The following ENDOD1 variants were observed in gnomAD, a reference collection of about 807,000 sequenced individuals.
The protein encoded by ENDOD1 is endonuclease domain-containing 1 protein.
A neutral mutation model predicts 6.5 loss-of-function variants in ENDOD1; 9 were observed. The observed-to-expected ratio is 1.39, with a 90% CI of 0.84 to 2.43. The LOEUF (loss-of-function observed/expected upper bound fraction) is 2.43. Ranked by LOEUF, ENDOD1 falls within the 30% of genes most tolerant of loss-of-function variation. The pLI, the probability that ENDOD1 is intolerant of heterozygous loss-of-function variation, is 0.00. For missense variants in ENDOD1, 648 were observed against 635.5 expected (o/e 1.02, Z -0.21); for synonymous variants, 255 against 255.2 (o/e 1.00, Z 0.01).
Position 95,114,060 on chromosome 11 carries a change from G to A in ENDOD1, c.301-14317G>A, listed in dbSNP as rs373980675. On this transcript the variant is annotated intron_variant, in intron 1 of 1. Transcript: ENST00000278505. ...TTTTTCATATACCTGTTTGCTATTC[G>A]TATGTCTTCTTTTGAGAAATGTCTA... 7.2e-5 allele frequency among the ~76,000 whole-genome samples: 11 copies of A among 152,246 alleles called. No homozygotes were observed. In the East Asian group the frequency reaches 7.7e-4, roughly 11 times the overall value.
intron 1 of ENDOD1, among the ~76,000 whole-genome samples, chr11:95,095,849 T>G (rs1404330993): frequency 6.6e-6 from 1 of 152,216 alleles, no homozygotes; most frequent in African/African-American, 2.4e-5. Flanking sequence ...AGCTCTTAAC[T>G]CTCTTTATTC....
intron 1 of ENDOD1, among the ~76,000 whole-genome samples, chr11:95,118,008 A>G (rs1368632228): frequency 1.3e-5 from 2 of 152,202 alleles, no homozygotes; most frequent in Non-Finnish European, 2.9e-5. Flanking sequence ...TGCTGTTTGC[A>G]TAAGCAAACA....
intron 1 of ENDOD1, among the ~76,000 whole-genome samples, chr11:95,119,605 G>A (rs563517476): frequency 6.6e-6 from 1 of 152,324 alleles, no homozygotes; most frequent in East Asian, 1.9e-4. Context: ...GACTGTGGTG[G>A]GTCAGACCTG....
rs930603938 is a variant in ENDOD1 at position 95,129,091 on chromosome 11, T to G, written c.1015T>G (p.Phe339Val). The G allele has an allele frequency of 5.6e-6, 9 of 1,614,062 alleles. No individual in the cohort carries two copies. The highest frequency in any genetic ancestry group is 7.6e-6 in the Non-Finnish European group (9 of 1,180,022). Residue 339 changes from phenylalanine (F) to valine (V), a missense_variant, in exon 2 of 2, where the codon TTC (phenylalanine) becomes GTC (valine). Physicochemically the swap from Phe to Val is conservative, Grantham distance 50. Coordinates refer to ENST00000278505, the MANE Select transcript of ENDOD1 (RefSeq NM_015036.3). The part of the protein sequence containing the change: ...GKLMGFIATP[F>V]IKLFQLIYYL... ...ACTCATGGGCTTCATTGCTACCCCA[T>G]TCATCAAGCTTTTTCAATTAATTTA...
intron 1 of ENDOD1, among the ~76,000 whole-genome samples, chr11:95,119,517 A>G (rs756599096): frequency 1.6e-4 from 25 of 152,234 alleles, no homozygotes; most frequent in Non-Finnish European, 2.6e-4. Context: ...TCAAACAGAC[A>G]GAGTCTCTCT....
chr11:95,118,673 T>C (rs1420316542), intron 1 of ENDOD1, among the ~76,000 whole-genome samples: 1 of 152,244 alleles, frequency 6.6e-6, no homozygotes, highest in Non-Finnish European at 1.5e-5. Flanking sequence ...TCTATAACCT[T>C]CTTGTACCTG....
chr11:95,100,749 G>A (rs1859030848), intron 1 of ENDOD1, among the ~76,000 whole-genome samples: 1 of 150,982 alleles, frequency 6.6e-6, no homozygotes, highest in Non-Finnish European at 1.5e-5. Context: ...CTCCTGTATC[G>A]GCCTTCCAAA....
rs1298194075 is a variant in ENDOD1, at chr11:95,130,366, C to A, written c.*787C>A. The A allele has an allele frequency of 1.3e-5, 2 of 150,430 alleles. No homozygotes were observed. The highest frequency in any genetic ancestry group is 3.0e-5 in the Non-Finnish European group (2 of 67,792). The allele number at this position is 150,430 out of a possible 1,614,324, so 9.3% of individuals were successfully genotyped here. A position where few individuals can be genotyped will look rare whatever the true frequency, so the allele number is the denominator to read the frequency against. On this transcript the variant is annotated 3_prime_UTR_variant, in exon 2 of 2. Coordinates refer to ENST00000278505, the MANE Select transcript of ENDOD1 (RefSeq NM_015036.3). ...CTTGAATGGTATAATACAGTCCTCT[C>A]CGGTGGAAAGAAGAGAAGAGAAGGT...
intron 1 of ENDOD1, among the ~76,000 whole-genome samples, chr11:95,093,417 A>T (rs1858950293): frequency 6.6e-6 from 1 of 151,826 alleles, no homozygotes; most frequent in Non-Finnish European, 1.5e-5. Flanking sequence ...ATCCTTTAAG[A>T]CTCTGCTGAG....
At chr11:95,125,052 C>G (rs138755583) in intron 1 of ENDOD1, among the ~76,000 whole-genome samples, 3 of 152,104 alleles carry the variant, frequency 2.0e-5, no homozygotes, top group Non-Finnish European at 2.9e-5. Flanking sequence ...CCTCCCCTTC[C>G]TCATCCAAGT....
Position 95,129,318 on chromosome 11 carries a change from G to A in ENDOD1, c.1242G>A (p.Arg414=). 6.2e-7 allele frequency: 1 copy of A among 1,614,184 alleles called. No homozygotes were observed. The highest frequency in any genetic ancestry group is 8.5e-7 in the Non-Finnish European group (1 of 1,180,042). ...CCAAAGTCATCAGGGCTCTCCTCCG[G>A]ATCCTTTGTTGTCTGCTGAAGGCCA... ...VVAKVIRALL[R]ILCCLLKAIC... The change falls in exon 2 of 2, where the codon CGG becomes CGA. Residue 414 remains arginine, a synonymous_variant. Coordinates refer to ENST00000278505, the MANE Select transcript of ENDOD1 (RefSeq NM_015036.3).
At chr11:95,096,949 G>A (rs1858991364) in intron 1 of ENDOD1, among the ~76,000 whole-genome samples, 1 of 152,128 alleles carries the variant, frequency 6.6e-6, no homozygotes, top group Non-Finnish European at 1.5e-5. Context: ...GATCATTTGA[G>A]CCTAAGAGTT....
In ENDOD1 at chr11:95,089,860, G is replaced by T. The variant is rs138039025; in HGVS notation, c.-68G>T. 2 of 1,260,268 alleles carry T rather than the reference G, an allele frequency of 1.6e-6. No homozygotes were observed. The highest frequency in any genetic ancestry group is 4.3e-5 in the Admixed American group (1 of 23,110). 78.1% of individuals were successfully genotyped at this position (1,260,268 alleles called of 1,614,324 possible). Reference sequence around the variant, plus strand: ...TGCTCGGCTGCGTAGTGCGCTCCCCGCCCAGCCTGCAGAGCTCGCGCCGCG... The same window carrying T: ...TGCTCGGCTGCGTAGTGCGCTCCCCTCCCAGCCTGCAGAGCTCGCGCCGCG... On this transcript the variant is annotated 5_prime_UTR_variant, in exon 1 of 2. Transcript: ENST00000278505.
chr11:95,111,483 A>G (rs1265229482), intron 1 of ENDOD1, among the ~76,000 whole-genome samples: 3 of 151,990 alleles, frequency 2.0e-5, no homozygotes, highest in African/African-American at 7.3e-5. Context: ...ATGTAGAATC[A>G]GTGGAATCTC....
chr11:95,103,096 AGTGGGTGTGTGTGTGTGTGTGTGTGTGT>A (rs1163246517), intron 1 of ENDOD1, among the ~76,000 whole-genome samples: 2 of 56,518 alleles, frequency 3.5e-5, no homozygotes, highest in African/African-American at 1.1e-4. Context: ...AACTAGGCAG[AGTGGGTGTGTGTGTGTGTGTGTGTGTGT>A]GTGTGTGTGT....
Position 95,128,595 on chromosome 11 carries a change from G to A in ENDOD1, c.519G>A (p.Arg173=). The A allele has an allele frequency of 2.5e-6, 4 of 1,614,214 alleles. No individual in the cohort carries two copies. The highest frequency in any genetic ancestry group is 2.5e-6 in the Non-Finnish European group (3 of 1,180,044). ...SAPMTQSFQE[R]WYVNLHSLMD... is the part of the protein sequence containing the mutation. The stretch of plus-strand genomic sequence containing the variant: ...CAATGACTCAGTCCTTCCAGGAACG[G>A]TGGTATGTGAATCTCCACAGCCTAA... The change falls in exon 2 of 2, where the codon CGG becomes CGA. Residue 173 remains arginine, a synonymous_variant. Coordinates refer to ENST00000278505, the MANE Select transcript of ENDOD1 (RefSeq NM_015036.3).
At chr11:95,095,656 C>A (rs1283284694) in intron 1 of ENDOD1, among the ~76,000 whole-genome samples, 1 of 152,178 alleles carries the variant, frequency 6.6e-6, no homozygotes, top group Non-Finnish European at 1.5e-5. Flanking sequence ...ATTTATTGAT[C>A]CCTTACCATG....
intron 1 of ENDOD1, among the ~76,000 whole-genome samples, chr11:95,107,195 T>C (rs552993653): frequency 1.3e-4 from 19 of 151,758 alleles, no homozygotes; most frequent in Non-Finnish European, 2.4e-4. Context: ...TTTTACTGGT[T>C]TAAGAAGTCT....
chr11:95,121,078 G>C (rs890689730), intron 1 of ENDOD1, among the ~76,000 whole-genome samples: 1 of 152,104 alleles, frequency 6.6e-6, no homozygotes, highest in Non-Finnish European at 1.5e-5. Flanking sequence ...ATTCAAGATT[G>C]GTTTTCCTAT....
Sources: gnomAD v4.1 joint callset for allele counts (sites outside exome capture counted in the v4.1 genomes callset) on GRCh38, gnomAD v4.1.1 for gene constraint, MANE v1.5 for transcripts, NCBI Gene and HGNC (gene_info 2026-07-23, HGNC 2026-07-21) for gene names.